Variants in NSD2 observed in about 807,000 individuals in gnomAD.
NSD2 encodes the protein nuclear receptor binding SET domain protein 2, also known as histone-lysine N-methyltransferase NSD2.
NSD2 carries 12 observed loss-of-function variants against 139.0 expected under a neutral mutation model. That is an observed-to-expected ratio of 0.09 (90% CI 0.06 to 0.14). NSD2 has a LOEUF of 0.14. NSD2 is among the 10% of genes least tolerant of loss of function. The pLI is 1.00. For missense variants in NSD2, 1,155 were observed against 1,745.0 expected, an observed-to-expected ratio of 0.66 and a Z score of 6.02; for synonymous variants, 669 against 648.7, an observed-to-expected ratio of 1.03 and a Z score of -0.48.
chr4:1,975,254 C>G, intron 19 of NSD2, 40 bp from the exon 20 acceptor site: 1 of 1,584,932 alleles, frequency 6.3e-7, no homozygotes, highest in Non-Finnish European at 8.7e-7. Context: ...AAGAGAAAGG[C>G]AGGTGTTTCC....
At position 1,959,686 on chromosome 4, in the gene NSD2, C is replaced by A. The variant is rs1294237145; in HGVS notation, c.3201C>A (p.Ile1067=). The change falls in exon 17 of 22, where the codon ATC becomes ATA. Residue 1067 remains isoleucine (I), a synonymous_variant. Transcript: ENST00000508803. The stretch of plus-strand genomic sequence containing the variant: ...AGCGCCAGTACCCAGAGACCAAGAT[C>A]ATCAAGACAGATGGCAAAGGGTGGG... The part of the protein sequence containing the change: ...FTKRQYPETK[I]IKTDGKGWGL... The A allele has an allele frequency of 6.2e-7, 1 of 1,613,924 alleles. No individual in the cohort carries two copies.
chr4:1,974,566 T>C lies in NSD2; in HGVS notation c.3373-297T>C. 3.9e-6 allele frequency: 2 copies of C among 507,168 alleles called. No individual in the cohort carries two copies. The highest frequency in any genetic ancestry group is 3.5e-5 in the South Asian group (2 of 56,922). The allele number at this position is 507,168 out of a possible 1,614,324, so 31.4% of individuals were successfully genotyped here. ...TGCCACTTGGCTAGGCTGTTGCTGC[T>C]GACCTTAGCTCCCTTGTTTGCCATC... On this transcript the variant is annotated intron_variant, in intron 18 of 21. Transcript: ENST00000508803. This position sits in a 1 kb window ranked among gnomAD's most constrained non-coding sequence, Gnocchi z 4.0.
At chr4:1,953,218 A>G (rs489550) in intron 11 of NSD2, 106 bp from the exon 12 acceptor site, 1,592,751 of 1,593,708 alleles carry the variant, frequency 1, 795,900 homozygotes, top group Non-Finnish European at 1. Flanking sequence ...CTTTAGCAGC[A>G]TGGCTGCCTC....
chr4:1,918,245 C>T lies in NSD2; in HGVS notation c.1032C>T (p.Phe344=). The T allele has an allele frequency of 6.2e-7, 1 of 1,613,754 alleles. No individual in the cohort carries two copies. The highest frequency in any genetic ancestry group is 1.3e-5 in the African/African-American group (1 of 74,930). Residue 344 remains phenylalanine, a synonymous_variant, in exon 5 of 22, where the codon TTC becomes TTT. Transcript: ENST00000508803. ...CAGTGGAGGAGCGGAAAGCCAAGTTCACCTTTCTCTATGTGGGGGACCAGC... is the reference window on the plus strand; with the variant it reads ...CAGTGGAGGAGCGGAAAGCCAAGTTTACCTTTCTCTATGTGGGGGACCAGC... ...SMSVEERKAK[F]TFLYVGDQLH... is the part of the protein sequence containing the mutation.
intron 2 of NSD2, among the ~76,000 whole-genome samples, chr4:1,903,985 T>C (rs1717551452): frequency 6.6e-6 from 1 of 152,166 alleles, no homozygotes; most frequent in African/African-American, 2.4e-5. Context: ...CCGCCCACGT[T>C]GGCCTCCCAA....
intron 9 of NSD2, chr4:1,941,566 G>T (rs1371462252): frequency 9.6e-7 from 1 of 1,039,878 alleles, no homozygotes; most frequent in Non-Finnish European, 1.2e-6. Context: ...TAATTCTTCA[G>T]AATGTCAGAA....
At chr4:1,936,708 T>C in intron 7 of NSD2, among the ~76,000 whole-genome samples, 1 of 151,456 alleles carries the variant, frequency 6.6e-6, no homozygotes, top group Non-Finnish European at 1.5e-5. Flanking sequence ...AGAGTAGTTG[T>C]ATATTTGTGA....
intron 5 of NSD2, among the ~76,000 whole-genome samples, chr4:1,923,588 C>A (rs1356156495): frequency 6.6e-6 from 1 of 152,154 alleles, no homozygotes; most frequent in Non-Finnish European, 1.5e-5. Context: ...AGAAGATGAG[C>A]AACAGTGGGA....
At chr4:1,930,961 A>T (rs1721562914) in intron 6 of NSD2, among the ~76,000 whole-genome samples, 191 bp downstream of exon 6, 1 of 152,080 alleles carries the variant, frequency 6.6e-6, no homozygotes, top group African/African-American at 2.4e-5. Context: ...TTACTGGCTT[A>T]TGAGAGCTAT....
intron 12 of NSD2, among the ~76,000 whole-genome samples, chr4:1,954,132 G>A (rs1052042231): frequency 3.3e-5 from 5 of 151,998 alleles, no homozygotes; most frequent in Non-Finnish European, 7.4e-5. Flanking sequence ...TTACAGGCAC[G>A]TGCCACCATA....
chr4:1,916,301 G>A (rs1362416375), intron 3 of NSD2, among the ~76,000 whole-genome samples: 1 of 152,154 alleles, frequency 6.6e-6, no homozygotes, highest in Non-Finnish European at 1.5e-5. Context: ...GAATAAAGGA[G>A]TGCATTTAGT....
At chr4:1,965,361 G>A (rs1354731201) in intron 18 of NSD2, among the ~76,000 whole-genome samples, 2 of 151,948 alleles carry the variant, frequency 1.3e-5, no homozygotes, top group African/African-American at 4.8e-5. Context: ...AAAAGTGAAC[G>A]GATCATAAGG....
intron 10 of NSD2, among the ~76,000 whole-genome samples, chr4:1,951,561 T>G (rs1056166325): frequency 6.7e-6 from 1 of 149,982 alleles, no homozygotes; most frequent in Non-Finnish European, 1.5e-5. Context: ...CTAGGCCTGT[T>G]TTAGCTTCAC....
chr4:1,978,848 G>A lies in NSD2; in HGVS notation c.4037G>A (p.Gly1346Glu). 3.7e-6 allele frequency: 6 copies of A among 1,601,616 alleles called. No homozygotes were observed. The South Asian group carries it at 6.7e-5, about 18-fold the overall frequency. ...ACTGAGAAGCCCCCCCCAGAGCCAG[G>A]GAAGCCGAAGGGGAAGAGGCGGCGG... Reference protein sequence around the residue: ...TKTEKPPPEPGKPKGKRRRRR... With the variant: ...TKTEKPPPEPEKPKGKRRRRR... Residue 1346 changes from glycine (G) to glutamate (E), a missense_variant, in exon 22 of 22, where the codon GGG (glycine) becomes GAG (glutamate). By Grantham distance (98) the Gly-to-Glu change is moderately conservative. Around this residue, in one of 8 missense-constraint regions of NSD2, gnomAD observed 132 missense variants for 94.3 expected, o/e 1.40. Transcript: ENST00000508803.
At chr4:1,909,547 G>A (rs1292789061) in intron 3 of NSD2, among the ~76,000 whole-genome samples, 1 of 152,184 alleles carries the variant, frequency 6.6e-6, no homozygotes, top group Non-Finnish European at 1.5e-5. Flanking sequence ...GGACAGGGAT[G>A]TGAAGAAGAG....
At chr4:1,882,170 C>G (rs750385663) in intron 1 of NSD2, among the ~76,000 whole-genome samples, 1 of 152,270 alleles carries the variant, frequency 6.6e-6, no homozygotes, top group African/African-American at 2.4e-5. Flanking sequence ...AGGTGAAAAC[C>G]TTTCCTTTGT....
At chr4:1,881,463 C>G (rs1714687432) in intron 1 of NSD2, among the ~76,000 whole-genome samples, 2 of 152,196 alleles carry the variant, frequency 1.3e-5, no homozygotes, top group Non-Finnish European at 2.9e-5. Flanking sequence ...CGGGGTTTCA[C>G]CGTGTTAGCC....
At position 1,875,468 on chromosome 4, in the gene NSD2, C is replaced by T. The variant is rs113753572; in HGVS notation, c.-30+3926C>T. Among the ~76,000 whole-genome samples, 277 of 151,874 alleles carry T rather than the reference C, an allele frequency of 1.8e-3. 9 individuals carry two copies. The highest frequency in any genetic ancestry group is 0.01 in the Middle Eastern group (3 of 294). On this transcript the variant is annotated intron_variant, in intron 1 of 21. Transcript: ENST00000508803. ...GGCTAATTTTTGTGTTTTATACAGA[C>T]AGGATTTCACCATGTTGCCCAGGCT...
At chr4:1,949,288 C>T (rs1379267856) in intron 9 of NSD2, among the ~76,000 whole-genome samples, 1 of 152,226 alleles carries the variant, frequency 6.6e-6, no homozygotes, top group African/African-American at 2.4e-5. Flanking sequence ...GTGTGCACTG[C>T]TCTGATTAGT....
Sources: allele counts gnomAD v4.1 joint callset (sites outside exome capture counted in the v4.1 genomes callset), GRCh38; gene constraint gnomAD v4.1.1; regional missense constraint gnomAD v4.1.1; non-coding constraint Gnocchi (gnomAD v3.1); transcripts MANE v1.5; gene names NCBI Gene and HGNC (gene_info 2026-07-23, HGNC 2026-07-21).